ACOX1: variants seen among roughly 807,000 people sequenced by gnomAD.
ACOX1 encodes peroxisomal acyl-coenzyme A oxidase 1.
In ACOX1, 41 loss-of-function variants were observed where a neutral mutation model predicts 75.5. The observed-to-expected ratio is 0.54, with a 90% CI of 0.42 to 0.70. The LOEUF is 0.70. Ranked by LOEUF, ACOX1 falls within the 30% of genes least tolerant of loss-of-function variation. ACOX1 has a pLI of 0.00. For synonymous variants in ACOX1, 303 were observed against 298.8 expected (o/e 1.01, Z -0.15); for missense variants, 630 against 837.5 (o/e 0.75, Z 3.06).
chr17:75,955,699 A>G lies in ACOX1; in HGVS notation c.659-18T>C, dbSNP rs1483707426. ...GGTAATTCCTACCACAGATGAAAGGACAGTCACGAGATGTTTATGCTCTGG... is the reference window on the plus strand; with the variant it reads ...GGTAATTCCTACCACAGATGAAAGGGCAGTCACGAGATGTTTATGCTCTGG... On this transcript the variant is annotated intron_variant, in intron 5 of 13. Transcript: ENST00000293217. 1 of 1,612,576 alleles carries G rather than the reference A, an allele frequency of 6.2e-7. No homozygotes were observed. Among genetic ancestry groups the G allele is most frequent in the Non-Finnish European group, 8.5e-7 (1 of 1,178,616 alleles).
chr17:75,959,227 C>A (rs1463346514), intron 3 of ACOX1, among the ~76,000 whole-genome samples: 2 of 152,206 alleles, frequency 1.3e-5, no homozygotes, highest in East Asian at 1.9e-4. Context: ...GTGCAATCCA[C>A]AACTTTCCCG....
Position 75,950,541 on chromosome 17 carries a change from T to G in ACOX1, c.1298+233A>C, listed in dbSNP as rs965237988. 1.3e-5 allele frequency among the ~76,000 whole-genome samples: 2 copies of G among 152,140 alleles called. No homozygotes were observed. The highest frequency in any genetic ancestry group is 2.9e-5 in the Non-Finnish European group (2 of 68,026). ...CTGGGATTACAGTCATGAGCCACTGTGCCCAGCCCAGTAACTCTATCCTTG... is the reference window on the plus strand; with the variant it reads ...CTGGGATTACAGTCATGAGCCACTGGGCCCAGCCCAGTAACTCTATCCTTG... On this transcript the variant is annotated intron_variant, in intron 9 of 13. Coordinates refer to ENST00000293217, the MANE Select transcript of ACOX1 (RefSeq NM_004035.7). This position sits in a 1 kb window ranked among gnomAD's most constrained non-coding sequence, Gnocchi z 4.3.
At chr17:75,961,674 C>A (rs1040307414) in intron 2 of ACOX1, among the ~76,000 whole-genome samples, 3 of 145,040 alleles carry the variant, frequency 2.1e-5, no homozygotes, top group East Asian at 4.1e-4. Flanking sequence ...GAGACTGAGG[C>A]AGGAGAACCT....
intron 6 of ACOX1, among the ~76,000 whole-genome samples, chr17:75,955,018 C>T (rs1269622459): frequency 6.6e-6 from 1 of 152,140 alleles, no homozygotes; most frequent in African/African-American, 2.4e-5. Flanking sequence ...CAGGTGCGCA[C>T]CACCACGCCC....
intron 12 of ACOX1, among the ~76,000 whole-genome samples, chr17:75,948,809 C>T (rs76447063): frequency 0.063 from 9,582 of 151,328 alleles, 925 homozygotes; most frequent in African/African-American, 0.21. Context: ...CCGCCTTGGC[C>T]AAAGTGTTGG....
chr17:75,972,785 G>T (rs887749783), intron 2 of ACOX1, among the ~76,000 whole-genome samples: 3 of 152,010 alleles, frequency 2.0e-5, no homozygotes, highest in Non-Finnish European at 4.4e-5. Flanking sequence ...TGACCAGAAA[G>T]CTGCAGTACC....
At chr17:75,971,636 G>A (rs1280757964) in intron 2 of ACOX1, among the ~76,000 whole-genome samples, 2 of 151,822 alleles carry the variant, frequency 1.3e-5, no homozygotes, top group Non-Finnish European at 2.9e-5. Flanking sequence ...CAGCTACTCA[G>A]GAGGCTGAGG....
chr17:75,965,744 G>A (rs2065926159), intron 2 of ACOX1, among the ~76,000 whole-genome samples: 1 of 151,888 alleles, frequency 6.6e-6, no homozygotes, highest in African/African-American at 2.4e-5. Flanking sequence ...GAGGCAGGAG[G>A]ATCCCTTCAG....
chr17:75,957,180 AAGTGATTCTCCTGCCTCAGCCTCCCAAGT>A (rs935884385), intron 4 of ACOX1, among the ~76,000 whole-genome samples: 1 of 151,650 alleles, frequency 6.6e-6, no homozygotes, highest in African/African-American at 2.4e-5. Context: ...TCCCGGGTTC[AAGTGATTCTCCTGCCTCAGCCTCCCAAGT>A]AGCTGGGACT....
At chr17:75,948,014 G>A (rs991472137) in intron 13 of ACOX1, among the ~76,000 whole-genome samples, 2 of 152,086 alleles carry the variant, frequency 1.3e-5, no homozygotes, top group Admixed American at 6.6e-5. Flanking sequence ...CAACGCACCC[G>A]GCCTGTATAT....
rs1279952402 is a variant in ACOX1 at position 75,958,352 on chromosome 17, C to CA, written c.431-787dup. Among the ~76,000 whole-genome samples, 578 of 66,680 alleles carry CA rather than the reference C, an allele frequency of 8.7e-3. 6 individuals carry two copies. Among genetic ancestry groups the CA allele is most frequent in the African/African-American group, 0.027 (426 of 15,616 alleles). 43.7% of individuals were successfully genotyped at this position (66,680 alleles called of 152,430 possible). On this transcript the variant is annotated intron_variant, in intron 3 of 13. Transcript: ENST00000293217. ...TGGGTGGCAGAGCAAGACTCCATCT[C>CA]AAAAAAAAAAAAAAAAGAAAAAGAA...
chr17:75,978,375 G>C lies in ACOX1; in HGVS notation c.269+159C>G. On this transcript the variant is annotated intron_variant, in intron 2 of 13. Transcript: ENST00000293217. This position sits in a 1 kb window ranked among gnomAD's most constrained non-coding sequence, Gnocchi z 4.2. ...CCCAAAGTGCTGGGATTACAGGCGT[G>C]AGCCACCGCGCCCGGCCACACATAT... The C allele has an allele frequency of 1.1e-6, 1 of 944,068 alleles. No individual in the cohort carries two copies. Among genetic ancestry groups the C allele is most frequent in the Non-Finnish European group, 1.6e-6 (1 of 617,828 alleles). The allele number at this position is 944,068 out of a possible 1,614,324, so 58.5% of individuals were successfully genotyped here.
At position 75,957,008 on chromosome 17, in the gene ACOX1, T is replaced by TATACACAC. The variant is rs1555617568; in HGVS notation, c.538+450_538+451insGTGTGTAT. Among the ~76,000 whole-genome samples, 18 of 110,198 alleles carry TATACACAC rather than the reference T, an allele frequency of 1.6e-4. 3 individuals carry two copies. Among genetic ancestry groups the TATACACAC allele is most frequent in the South Asian group, 8.8e-4 (3 of 3,414 alleles). 72.3% of individuals were successfully genotyped at this position (110,198 alleles called of 152,430 possible). A position where few individuals can be genotyped will look rare whatever the true frequency, so the allele number is the denominator to read the frequency against. On this transcript the variant is annotated intron_variant, in intron 4 of 13. Coordinates refer to ENST00000293217, the MANE Select transcript of ACOX1 (RefSeq NM_004035.7). ...ATATATATATATATATATATATATA[T>TATACACAC]ACACACACACACCTCTCTCTGTCTA...
chr17:75,949,887 T>C lies in ACOX1; in HGVS notation c.1309A>G (p.Lys437Glu). Residue 437 changes from lysine to glutamate, a missense_variant, in exon 10 of 14, where the codon AAA becomes GAA. By Grantham distance (56) the Lys-to-Glu change is moderately conservative. Transcript: ENST00000293217. ...MMLQTARFLMKSYDQVHSGKL... is the reference protein window; with the variant it reads ...MMLQTARFLMESYDQVHSGKL... ...CCTGAGTGCACCTGATCATAACTTT[T>C]CATCAGGAACCTAAAAGTCACCAGT... The C allele has an allele frequency of 6.2e-7, 1 of 1,614,246 alleles. No homozygotes were observed. Among genetic ancestry groups the C allele is most frequent in the Non-Finnish European group, 8.5e-7 (1 of 1,180,046 alleles).
rs1702140996 is a variant in ACOX1, at chr17:75,944,909, A to T, written c.*1839T>A. ...CGCGTGCTACCACCATGCCCAGCTA[A>T]TTTTTGTATTTTTTTCAGTAGAGAC... On this transcript the variant is annotated 3_prime_UTR_variant, in exon 14 of 14. Coordinates refer to ENST00000293217, the MANE Select transcript of ACOX1 (RefSeq NM_004035.7). 6.6e-6 allele frequency: 1 copy of T among 151,984 alleles called. No homozygotes were observed. Among genetic ancestry groups the T allele is most frequent in the African/African-American group, 2.4e-5 (1 of 41,370 alleles). 9.4% of individuals were successfully genotyped at this position (151,984 alleles called of 1,614,324 possible).
At chr17:75,958,822 A>G (rs1489113771) in intron 3 of ACOX1, among the ~76,000 whole-genome samples, 2 of 151,874 alleles carry the variant, frequency 1.3e-5, no homozygotes, top group Non-Finnish European at 2.9e-5. Flanking sequence ...AAAAAAAAAA[A>G]AAAAGTATAA....
At chr17:75,954,379 T>C (rs1286765062) in intron 6 of ACOX1, among the ~76,000 whole-genome samples, 1 of 149,832 alleles carries the variant, frequency 6.7e-6, no homozygotes, top group Non-Finnish European at 1.5e-5. Context: ...AACAATTAGC[T>C]GGGTGTGGTG....
intron 8 of ACOX1, 145 bp downstream of exon 8, chr17:75,951,270 A>T: frequency 3.1e-6 from 3 of 971,364 alleles, no homozygotes; most frequent in Non-Finnish European, 4.7e-6. Flanking sequence ...AGATCTTCAT[A>T]TCTGATCTAC....
In ACOX1 at chr17:75,971,905, C is replaced by T. The variant is rs998415843; in HGVS notation, c.269+6629G>A. Among the ~76,000 whole-genome samples, 8 of 152,118 alleles carry T rather than the reference C, an allele frequency of 5.3e-5. No individual in the cohort carries two copies. The South Asian group carries it at 8.3e-4, about 16-fold the overall frequency. On this transcript the variant is annotated intron_variant, in intron 2 of 13. Coordinates refer to ENST00000293217, the MANE Select transcript of ACOX1 (RefSeq NM_004035.7). The stretch of plus-strand genomic sequence containing the variant: ...CCTATGAACAGCATGACTGTTAAGT[C>T]GAATAAATTCTATAATGATGAATAC...
Sources: allele counts gnomAD v4.1 joint callset (sites outside exome capture counted in the v4.1 genomes callset), GRCh38; gene constraint gnomAD v4.1.1; non-coding constraint Gnocchi (gnomAD v3.1); transcripts MANE v1.5; gene names NCBI Gene and HGNC (gene_info 2026-07-23, HGNC 2026-07-21).